Variants in SH3GL3 observed in about 807,000 individuals in gnomAD.
SH3GL3 encodes the protein endophilin-A3.
Under a neutral mutation model 47.7 loss-of-function variants are expected in SH3GL3, and 33 were observed. The ratio of observed to expected loss-of-function variants is 0.69; its 90% CI spans 0.52 to 0.92. SH3GL3 has a LOEUF of 0.92. SH3GL3 is among the 40% of genes least tolerant of loss of function. SH3GL3 has a pLI of 0.00. For missense variants in SH3GL3, 363 were observed against 417.8 expected (o/e 0.87, Z 1.14); for synonymous variants, 155 against 148.8 (o/e 1.04, Z -0.30).
At chr15:83,480,413 A>G (rs1410198001) in intron 1 of SH3GL3, among the ~76,000 whole-genome samples, 1 of 152,330 alleles carries the variant, frequency 6.6e-6, no homozygotes, top group African/African-American at 2.4e-5. Context: ...CGCCATCCCA[A>G]TTTCACAGAT....
At chr15:83,507,052 C>T (rs373672330) in intron 1 of SH3GL3, among the ~76,000 whole-genome samples, 2 of 151,930 alleles carry the variant, frequency 1.3e-5, no homozygotes, top group East Asian at 3.9e-4. Flanking sequence ...GTCACCCAGG[C>T]TGGAGTGCAG....
chr15:83,563,665 G>A (rs2045390046), intron 2 of SH3GL3, among the ~76,000 whole-genome samples: 1 of 151,956 alleles, frequency 6.6e-6, no homozygotes, highest in African/African-American at 2.4e-5. Flanking sequence ...AAGACATGGA[G>A]TCTCGCTCTG....
chr15:83,464,051 C>T (rs1234006631), intron 1 of SH3GL3, among the ~76,000 whole-genome samples: 5 of 152,106 alleles, frequency 3.3e-5, no homozygotes, highest in Admixed American at 6.6e-5. Flanking sequence ...CCTGAGCCAC[C>T]GCGCCAGGCC....
intron 8 of SH3GL3, among the ~76,000 whole-genome samples, chr15:83,595,754 C>T (rs1387297847): frequency 2.6e-5 from 4 of 151,974 alleles, no homozygotes; most frequent in African/African-American, 9.7e-5. Context: ...TTATCCCTTT[C>T]ATCTAAGTTG....
chr15:83,596,324 C>A (rs1445131842), intron 8 of SH3GL3, among the ~76,000 whole-genome samples: 1 of 152,162 alleles, frequency 6.6e-6, no homozygotes, highest in African/African-American at 2.4e-5. Flanking sequence ...TCTGTGTACA[C>A]TTGAAAAGAA....
intron 1 of SH3GL3, among the ~76,000 whole-genome samples, chr15:83,518,359 T>C (rs891024361): frequency 6.6e-6 from 1 of 152,254 alleles, no homozygotes; most frequent in African/African-American, 2.4e-5. Flanking sequence ...CCACTAACAG[T>C]GCATAAGTGT....
the SH3GL3 span, among the ~76,000 whole-genome samples, chr15:83,633,564 G>A: frequency 6.6e-6 from 1 of 152,136 alleles, no homozygotes; most frequent in East Asian, 1.9e-4. Flanking sequence ...CCCACCTGGA[G>A]AATATCTGAA....
chr15:83,449,609 G>C (rs2039634733), intron 1 of SH3GL3, among the ~76,000 whole-genome samples: 1 of 152,164 alleles, frequency 6.6e-6, no homozygotes, highest in East Asian at 1.9e-4. Flanking sequence ...GAAATCCTTG[G>C]AAGTTATTGG....
At chr15:83,449,285 C>T (rs1440673802) in intron 1 of SH3GL3, among the ~76,000 whole-genome samples, 2 of 152,114 alleles carry the variant, frequency 1.3e-5, no homozygotes, top group Admixed American at 6.5e-5. Context: ...GGAAGGGGGA[C>T]ATTTAAAGGC....
At chr15:83,515,846 C>T (rs905670562) in intron 1 of SH3GL3, among the ~76,000 whole-genome samples, 1 of 152,126 alleles carries the variant, frequency 6.6e-6, no homozygotes, top group Non-Finnish European at 1.5e-5. Context: ...TGTGTTTTCA[C>T]ACACACTCGT....
At chr15:83,604,241 T>A (rs901271085) in intron 8 of SH3GL3, among the ~76,000 whole-genome samples, 1 of 152,094 alleles carries the variant, frequency 6.6e-6, no homozygotes, top group Non-Finnish European at 1.5e-5. Flanking sequence ...TGCCAGTATA[T>A]TATATTTGAG....
intron 1 of SH3GL3, among the ~76,000 whole-genome samples, chr15:83,536,380 T>C (rs1277807917): frequency 3.6e-5 from 5 of 138,064 alleles, no homozygotes; most frequent in Admixed American, 2.3e-4. Context: ...GATTCTGCCT[T>C]TTTCTTTTTC....
intron 1 of SH3GL3, among the ~76,000 whole-genome samples, chr15:83,558,452 A>C (rs1202873875): frequency 1.3e-5 from 2 of 151,104 alleles, no homozygotes; most frequent in African/African-American, 4.9e-5. Context: ...AATTGTCCTC[A>C]GCTCTTGGGC....
chr15:83,624,490 G>A, the SH3GL3 span, among the ~76,000 whole-genome samples: 1 of 152,170 alleles, frequency 6.6e-6, no homozygotes, highest in Non-Finnish European at 1.5e-5. Context: ...GAGCTAACGG[G>A]GACAAATATT....
downstream of SH3GL3, among the ~76,000 whole-genome samples, chr15:83,619,629 A>AAAAAC (rs1327182883): frequency 6.6e-6 from 1 of 152,218 alleles, no homozygotes; most frequent in East Asian, 1.9e-4. Flanking sequence ...TATGTCTTAA[A>AAAAAC]AAAACAAACT....
At chr15:83,505,973 A>G (rs2042483316) in intron 1 of SH3GL3, among the ~76,000 whole-genome samples, 2 of 152,056 alleles carry the variant, frequency 1.3e-5, no homozygotes, top group Admixed American at 6.6e-5. Flanking sequence ...ATCTTCTCTT[A>G]CTCTGTAGTT....
At chr15:83,517,864 T>C (rs139753673) in intron 1 of SH3GL3, among the ~76,000 whole-genome samples, 1 of 152,278 alleles carries the variant, frequency 6.6e-6, no homozygotes, top group African/African-American at 2.4e-5. Flanking sequence ...CTGAGCATAT[T>C]ACTCAAAAGT....
chr15:83,493,713 C>A (rs1045391108), intron 1 of SH3GL3, among the ~76,000 whole-genome samples: 3 of 152,198 alleles, frequency 2.0e-5, no homozygotes, highest in African/African-American at 7.2e-5. Flanking sequence ...AATCTGTAAC[C>A]CGCCATGCAA....
intron 1 of SH3GL3, among the ~76,000 whole-genome samples, chr15:83,482,493 T>C (rs2041401775): frequency 6.6e-6 from 1 of 150,576 alleles, no homozygotes; most frequent in Admixed American, 6.7e-5. Context: ...TTGAGCCTTC[T>C]TAAGTTTTTT....
Sources: allele counts gnomAD v4.1 joint callset (sites outside exome capture counted in the v4.1 genomes callset), GRCh38; gene constraint gnomAD v4.1.1; transcripts MANE v1.5; gene names NCBI Gene and HGNC (gene_info 2026-07-23, HGNC 2026-07-21).